Variants in ATAD2 observed in about 807,000 individuals in gnomAD.
ATAD2 encodes ATPase family AAA domain containing 2.
A neutral mutation model predicts 168.9 loss-of-function variants in ATAD2; 62 were observed. The ratio of observed to expected loss-of-function variants is 0.37; its 90% CI spans 0.30 to 0.45. ATAD2 has a LOEUF of 0.45. ATAD2 is among the 20% of genes least tolerant of loss of function. The pLI is 1.00. For synonymous variants in ATAD2, 613 were observed against 571.6 expected (o/e 1.07, Z -1.03); for missense variants, 1,419 against 1,667.8 (o/e 0.85, Z 2.60).
chr8:123,365,938 A>G (rs954182321), intron 8 of ATAD2, among the ~76,000 whole-genome samples: 2 of 152,224 alleles, frequency 1.3e-5, no homozygotes, highest in Non-Finnish European at 2.9e-5. Flanking sequence ...AATTAAACCA[A>G]AGAGCTTTTG....
In ATAD2 at chr8:123,370,792, C is replaced by T. The variant is rs1829128092; in HGVS notation, c.727+111G>A. Reference sequence around the variant, plus strand: ...ACTTTTAAGTTACCAATCCTCTGATCTCTCACAAACTACCATAAATGTCAC... The same window carrying T: ...ACTTTTAAGTTACCAATCCTCTGATTTCTCACAAACTACCATAAATGTCAC... On this transcript the variant is annotated intron_variant, in intron 6 of 27. Transcript: ENST00000287394. 6 of 715,868 alleles carry T rather than the reference C, an allele frequency of 8.4e-6. No individual in the cohort carries two copies. The Admixed American group carries it at 1.4e-4, about 17-fold the overall frequency. The allele number at this position is 715,868 out of a possible 1,614,324, so 44.3% of individuals were successfully genotyped here.
upstream of ATAD2, among the ~76,000 whole-genome samples, chr8:123,397,893 T>C (rs1246207702): frequency 6.6e-6 from 1 of 152,050 alleles, no homozygotes; most frequent in Non-Finnish European, 1.5e-5. Flanking sequence ...GTTAGATGGT[T>C]CTGGAAGAAG....
At chr8:123,330,804 A>G (rs1827756809) in intron 24 of ATAD2, among the ~76,000 whole-genome samples, 1 of 152,238 alleles carries the variant, frequency 6.6e-6, no homozygotes, top group South Asian at 2.1e-4. Flanking sequence ...CCTTTCTTAT[A>G]GCAATCTTGC....
chr8:123,402,064 G>T lies in ATAD2; in HGVS notation c.-2281-889C>A. The T allele has an allele frequency of 6.7e-7, 1 of 1,484,626 alleles. No individual in the cohort carries two copies. The allele number at this position is 1,484,626 out of a possible 1,614,324, so 92.0% of individuals were successfully genotyped here. A position where few individuals can be genotyped will look rare whatever the true frequency, so the allele number is the denominator to read the frequency against. Reference sequence around the variant, plus strand: ...AGCGTACCATGTCGGCCCAGATTGAGGGTGGCGTCCATGGCCTGCACTCTT... The same window carrying T: ...AGCGTACCATGTCGGCCCAGATTGATGGTGGCGTCCATGGCCTGCACTCTT... On this transcript the variant is annotated intron_variant, in intron 1 of 28. Transcript: ENST00000521903. The surrounding 1 kb of genome is among the most constrained non-coding windows in gnomAD (Gnocchi z 4.8).
At chr8:123,352,682 C>T (rs1279387517) in intron 13 of ATAD2, 2 of 147,784 alleles carry the variant, frequency 1.4e-5, no homozygotes, top group East Asian at 1.9e-4. Context: ...AGAAATCATA[C>T]CTTTTTTTTT....
At chr8:123,367,788 C>G (rs1368728606) in intron 8 of ATAD2, among the ~76,000 whole-genome samples, 2 of 152,158 alleles carry the variant, frequency 1.3e-5, no homozygotes, top group Non-Finnish European at 2.9e-5. Context: ...TAGATGTACA[C>G]TTGTGATTCC....
intron 12 of ATAD2, among the ~76,000 whole-genome samples, chr8:123,357,339 T>G (rs1828681021): frequency 6.6e-6 from 1 of 152,166 alleles, no homozygotes; most frequent in African/African-American, 2.4e-5. Context: ...GACCTAAGAC[T>G]CCAAACAACT....
Position 123,325,898 on chromosome 8 carries a change from A to T in ATAD2, c.3997T>A (p.Leu1333Ile), listed in dbSNP as rs139144351. 7 of 1,613,826 alleles carry T rather than the reference A, an allele frequency of 4.3e-6. No individual in the cohort carries two copies. The African/African-American group carries it at 9.3e-5, about 22-fold the overall frequency. The part of the protein sequence containing the change: ...TPSLVVDHER[L>I]KNLLKTVVKK... The stretch of plus-strand genomic sequence containing the variant: ...TATGATTTCAATTTACATACTTTTA[A>T]TCGCTCATGATCCACAACAAGTGAG... Residue 1333 changes from leucine (L) to isoleucine (I), a missense_variant, in exon 26 of 28, where the codon TTA becomes ATA. By Grantham distance (5) the Leu-to-Ile change is conservative. Coordinates refer to ENST00000287394, the MANE Select transcript of ATAD2 (RefSeq NM_014109.4).
chr8:123,333,222 C>A (rs185652793), intron 24 of ATAD2, among the ~76,000 whole-genome samples: 1,262 of 43,722 alleles, frequency 0.029, 7 homozygotes, highest in Middle Eastern at 0.086. Flanking sequence ...CCCCGTCTCT[C>A]TAAAAATACA....
At chr8:123,403,097 G>A (rs1563871838) in intron 1 of ATAD2, among the ~76,000 whole-genome samples, 2 of 152,118 alleles carry the variant, frequency 1.3e-5, no homozygotes, top group Non-Finnish European at 2.9e-5. Context: ...GAGGGGTTTT[G>A]TTGTTGTTTT....
chr8:123,392,950 C>T (rs558598105), intron 1 of ATAD2, among the ~76,000 whole-genome samples: 10 of 151,980 alleles, frequency 6.6e-5, no homozygotes, highest in Non-Finnish European at 1.2e-4. Flanking sequence ...TTTGGGAGGC[C>T]GAGGAGGGCG....
rs903452640 is a variant in ATAD2, at chr8:123,349,266, A to C, written c.1806+19T>G. 1.9e-6 allele frequency: 3 copies of C among 1,600,972 alleles called. No individual in the cohort carries two copies. In the South Asian group the frequency reaches 3.4e-5, roughly 18 times the overall value. The stretch of plus-strand genomic sequence containing the variant: ...CAGCAATATATTTTGTCAAAATTTG[A>C]GTGACATTAAATTCTTACCTCTTTA... On this transcript the variant is annotated intron_variant, in intron 14 of 27. Transcript: ENST00000287394.
intron 8 of ATAD2, among the ~76,000 whole-genome samples, chr8:123,366,362 A>G (rs1410570635): frequency 6.6e-6 from 1 of 152,224 alleles, no homozygotes; most frequent in African/African-American, 2.4e-5. Context: ...GAGATTCCCT[A>G]AAGAGTTAAA....
rs764292504 is a variant in ATAD2 at position 123,396,409 on chromosome 8, A to C, written c.-52T>G. ...CGCGACCGGAGAGAGATCCAGCTCC[A>C]GGCGCTCGCAGCTCTGGCTCTTCCG... On this transcript the variant is annotated 5_prime_UTR_variant, in exon 1 of 28. Coordinates refer to ENST00000287394, the MANE Select transcript of ATAD2 (RefSeq NM_014109.4). 18 of 1,471,186 alleles carry C rather than the reference A, an allele frequency of 1.2e-5. No individual in the cohort carries two copies. The highest frequency in any genetic ancestry group is 5.3e-5 in the South Asian group (4 of 75,332). The allele number at this position is 1,471,186 out of a possible 1,614,324, so 91.1% of individuals were successfully genotyped here. A position where few individuals can be genotyped will look rare whatever the true frequency, so the allele number is the denominator to read the frequency against.
In ATAD2 at chr8:123,389,306, GGA is replaced by G. The variant is rs1691997893; in HGVS notation, c.171+6879_171+6880del. Among the ~76,000 whole-genome samples the G allele has an allele frequency of 2.0e-5, 3 of 148,324 alleles. No homozygotes were observed. In the South Asian group the frequency reaches 6.6e-4, roughly 33 times the overall value. On this transcript the variant is annotated intron_variant, in intron 1 of 27. Transcript: ENST00000287394. ...TTTGCTGTTTTCTATTCATCCTCAA[GGA>G]CAAGCAGTCCCAACCTCTTAGCAAT...
chr8:123,388,448 T>C (rs1417848876), intron 1 of ATAD2, among the ~76,000 whole-genome samples: 2 of 152,190 alleles, frequency 1.3e-5, no homozygotes, highest in Non-Finnish European at 2.9e-5. Context: ...GCAGTGAGTG[T>C]AGCAGCACGA....
At chr8:123,385,191 T>C (rs1472419528) in intron 1 of ATAD2, among the ~76,000 whole-genome samples, 1 of 152,182 alleles carries the variant, frequency 6.6e-6, no homozygotes, top group Non-Finnish European at 1.5e-5. Flanking sequence ...TTGATGAGCA[T>C]GCTAACACTG....
chr8:123,362,653 T>C (rs371804851), intron 8 of ATAD2, among the ~76,000 whole-genome samples: 1 of 151,880 alleles, frequency 6.6e-6, no homozygotes, highest in East Asian at 1.9e-4. Context: ...CCTGACCTTG[T>C]GATCCGCCCG....
chr8:123,334,725 T>C (rs896024489), intron 22 of ATAD2, among the ~76,000 whole-genome samples: 5 of 151,842 alleles, frequency 3.3e-5, no homozygotes, highest in Non-Finnish European at 5.9e-5. Flanking sequence ...ACAAAGAAAA[T>C]AGACAAAGAC....
Sources: gnomAD v4.1 joint callset for allele counts (sites outside exome capture counted in the v4.1 genomes callset) on GRCh38, gnomAD v4.1.1 for gene constraint, Gnocchi (gnomAD v3.1) non-coding constraint, MANE v1.5 for transcripts, NCBI Gene and HGNC (gene_info 2026-07-23, HGNC 2026-07-21) for gene names.